Variants in GUCY1A2 observed in about 807,000 individuals in gnomAD.
GUCY1A2 encodes the protein guanylate cyclase soluble subunit alpha-2.
A neutral mutation model predicts 63.5 loss-of-function variants in GUCY1A2; 27 were observed. The ratio of observed to expected loss-of-function variants is 0.43; its 90% CI spans 0.31 to 0.59. The LOEUF (loss-of-function observed/expected upper bound fraction) is 0.59, where lower values mean the gene tolerates loss of function less well. Among genes scored for constraint, GUCY1A2 ranks in the 20% least tolerant of loss-of-function variants. The pLI, the probability that GUCY1A2 is intolerant of heterozygous loss-of-function variation, is 0.11. For synonymous variants in GUCY1A2, 364 were observed against 343.5 expected (o/e 1.06, Z -0.66); for missense variants, 768 against 913.3 (o/e 0.84, Z 2.05).
intron 7 of GUCY1A2, among the ~76,000 whole-genome samples, chr11:106,706,863 C>T (rs1862923125): frequency 1.3e-5 from 2 of 152,042 alleles, no homozygotes; most frequent in African/African-American, 4.8e-5. Flanking sequence ...GAGAATTTGA[C>T]AAAATTCAAT....
At chr11:106,843,708 G>C (rs1165284889) in intron 4 of GUCY1A2, among the ~76,000 whole-genome samples, 1 of 151,838 alleles carries the variant, frequency 6.6e-6, no homozygotes, top group African/African-American at 2.4e-5. Flanking sequence ...AGGTAAGATG[G>C]TTTACCCAAA....
At chr11:106,778,797 AT>A (rs1246949224) in intron 5 of GUCY1A2, among the ~76,000 whole-genome samples, 2 of 152,212 alleles carry the variant, frequency 1.3e-5, no homozygotes, top group Admixed American at 1.3e-4. Context: ...TCAATCAACC[AT>A]GCTAACCATA....
chr11:106,763,077 TC>T (rs1275713316), intron 6 of GUCY1A2, among the ~76,000 whole-genome samples: 8 of 152,062 alleles, frequency 5.3e-5, no homozygotes, highest in African/African-American at 1.9e-4. Context: ...TGATGGCAAC[TC>T]CCATATAATT....
intron 4 of GUCY1A2, among the ~76,000 whole-genome samples, chr11:106,879,442 T>C (rs1859794697): frequency 6.6e-6 from 1 of 152,138 alleles, no homozygotes; most frequent in South Asian, 2.1e-4. Context: ...AGTTTAGATA[T>C]GGAAGAGTTA....
At chr11:106,780,275 A>G (rs1864435346) in intron 5 of GUCY1A2, among the ~76,000 whole-genome samples, 1 of 152,166 alleles carries the variant, frequency 6.6e-6, no homozygotes, top group African/African-American at 2.4e-5. Context: ...AAACAGTGAC[A>G]CATATTAGGA....
intron 4 of GUCY1A2, among the ~76,000 whole-genome samples, chr11:106,913,998 AAAAAAGAAAGAAAGAAAG>A (rs1259532985): frequency 6.6e-6 from 1 of 151,292 alleles, no homozygotes. Flanking sequence ...AAAAAAAAAA[AAAAAAGAAAGAAAGAAAG>A]AAAAAGAAAG....
At chr11:106,829,565 T>C (rs762663405) in intron 4 of GUCY1A2, among the ~76,000 whole-genome samples, 1 of 152,130 alleles carries the variant, frequency 6.6e-6, no homozygotes, top group Admixed American at 6.5e-5. Flanking sequence ...CTTGATTAGA[T>C]TGAAGGATGC....
intron 4 of GUCY1A2, among the ~76,000 whole-genome samples, chr11:106,845,176 T>C (rs965317083): frequency 6.6e-6 from 1 of 151,524 alleles, no homozygotes; most frequent in Admixed American, 6.6e-5. Flanking sequence ...CAGAGTCTAC[T>C]CCAGGCCAAA....
chr11:106,922,030 T>C (rs1860451108), intron 4 of GUCY1A2, among the ~76,000 whole-genome samples: 1 of 152,274 alleles, frequency 6.6e-6, no homozygotes, highest in African/African-American at 2.4e-5. Context: ...ATTTATTCTA[T>C]ACAATTTGAA....
intron 4 of GUCY1A2, among the ~76,000 whole-genome samples, chr11:106,818,932 G>A (rs1858866099): frequency 6.6e-6 from 1 of 152,162 alleles, no homozygotes; most frequent in Admixed American, 6.6e-5. Context: ...GGAAGCTGCA[G>A]AAGAAAGCTT....
At chr11:106,708,833 T>C (rs1300278492) in intron 6 of GUCY1A2, among the ~76,000 whole-genome samples, 167 bp from the exon 7 acceptor site, 1 of 151,624 alleles carries the variant, frequency 6.6e-6, no homozygotes, top group Non-Finnish European at 1.5e-5. Context: ...AATAGCTGGA[T>C]CATTATAGGG....
intron 1 of GUCY1A2, among the ~76,000 whole-genome samples, chr11:106,994,077 T>C (rs2120162368): frequency 6.6e-6 from 1 of 152,204 alleles, no homozygotes. Flanking sequence ...AACACAGGTA[T>C]ATATTTGCAT....
chr11:106,992,925 C>T (rs1441859758), intron 1 of GUCY1A2, among the ~76,000 whole-genome samples: 2 of 152,140 alleles, frequency 1.3e-5, no homozygotes, highest in African/African-American at 4.8e-5. Context: ...AGATCCTCAC[C>T]ACCATAATCT....
At chr11:106,721,065 A>AATTT (rs369522476) in intron 6 of GUCY1A2, among the ~76,000 whole-genome samples, 2 of 145,020 alleles carry the variant, frequency 1.4e-5, no homozygotes, top group Admixed American at 6.8e-5. Flanking sequence ...ATATTTGCAA[A>AATTT]TTTTTTTTTT....
chr11:106,992,058 C>A (rs1274011875), intron 1 of GUCY1A2, among the ~76,000 whole-genome samples: 4 of 152,180 alleles, frequency 2.6e-5, no homozygotes, highest in Admixed American at 6.5e-5. Context: ...AGGATTGAAA[C>A]CCAGGTAGGT....
intron 4 of GUCY1A2, among the ~76,000 whole-genome samples, chr11:106,913,409 A>G (rs990319376): frequency 6.6e-6 from 1 of 152,124 alleles, no homozygotes; most frequent in African/African-American, 2.4e-5. Flanking sequence ...TAGAAGTGAC[A>G]GAGAGGGGGA....
At chr11:106,763,906 C>T (rs1341204299) in intron 6 of GUCY1A2, among the ~76,000 whole-genome samples, 1 of 152,000 alleles carries the variant, frequency 6.6e-6, no homozygotes, top group Non-Finnish European at 1.5e-5. Context: ...CAACTGATAC[C>T]ATCTGGAAGA....
intron 6 of GUCY1A2, among the ~76,000 whole-genome samples, chr11:106,730,200 T>C (rs1863479105): frequency 6.6e-6 from 1 of 151,062 alleles, no homozygotes; most frequent in African/African-American, 2.4e-5. Flanking sequence ...GTGTTTGTTG[T>C]ACAGATAATT....
rs1232772063 is a variant in GUCY1A2, at chr11:106,676,319, C to T, written c.*11230G>A. On this transcript the variant is annotated 3_prime_UTR_variant, in exon 8 of 8. Coordinates refer to ENST00000526355, the MANE Select transcript of GUCY1A2 (RefSeq NM_000855.3). ...TCTGCTAGAAATGATTTAATTTTCC[C>T]TGAAAAATAATGGCTTTGGATTGAG... 4 of 183,974 alleles carry T rather than the reference C, an allele frequency of 2.2e-5. No homozygotes were observed. The East Asian group carries it at 2.6e-4, about 12-fold the overall frequency. The allele number at this position is 183,974 out of a possible 1,614,324, so 11.4% of individuals were successfully genotyped here.
Sources: gnomAD v4.1 joint callset for allele counts (sites outside exome capture counted in the v4.1 genomes callset) on GRCh38, gnomAD v4.1.1 for gene constraint, MANE v1.5 for transcripts, NCBI Gene and HGNC (gene_info 2026-07-23, HGNC 2026-07-21) for gene names.